Variants in UBE2H observed in about 807,000 individuals in gnomAD.
UBE2H encodes ubiquitin conjugating enzyme E2 H, also known as ubiquitin-conjugating enzyme E2 H.
UBE2H carries 3 observed loss-of-function variants against 29.0 expected under a neutral mutation model. The ratio of observed to expected loss-of-function variants is 0.10; its 90% confidence interval spans 0.05 to 0.27. UBE2H has a LOEUF of 0.27. UBE2H is among the 10% of genes least tolerant of loss of function. The probability of loss-of-function intolerance (pLI) is 1.00; values close to 1 mark genes in which losing one functional copy is unlikely to be tolerated. For missense variants in UBE2H, 68 were observed against 228.2 expected (o/e 0.30, Z 4.52); for synonymous variants, 69 against 82.9 (o/e 0.83, Z 0.91).
At chr7:129,859,897 T>TTC (rs1285202065) in intron 3 of UBE2H, among the ~76,000 whole-genome samples, 1 of 151,598 alleles carries the variant, frequency 6.6e-6, no homozygotes, top group Non-Finnish European at 1.5e-5. Context: ...CTCTCTCTCA[T>TTC]ATTCATTCAG....
At chr7:129,862,763 C>T (rs1451571541) in intron 3 of UBE2H, among the ~76,000 whole-genome samples, 1 of 152,148 alleles carries the variant, frequency 6.6e-6, no homozygotes, top group African/African-American at 2.4e-5. Context: ...CAGAGGTGAT[C>T]AGCATTTGGG....
At chr7:129,929,131 C>A (rs1010238230) in intron 1 of UBE2H, among the ~76,000 whole-genome samples, 1 of 152,076 alleles carries the variant, frequency 6.6e-6, no homozygotes, top group Non-Finnish European at 1.5e-5. Flanking sequence ...CCAGCCTGAA[C>A]AACATGGAGA....
intron 1 of UBE2H, among the ~76,000 whole-genome samples, chr7:129,905,361 T>C (rs1471529679): frequency 1.3e-5 from 2 of 152,134 alleles, no homozygotes; most frequent in Non-Finnish European, 2.9e-5. Context: ...CTCATTGTTT[T>C]TGTTCTAATG....
At chr7:129,948,026 A>C (rs986098606) in intron 1 of UBE2H, among the ~76,000 whole-genome samples, 1 of 152,042 alleles carries the variant, frequency 6.6e-6, no homozygotes, top group Admixed American at 6.6e-5. Flanking sequence ...CTAATTTTTT[A>C]TATTTTTAGT....
At chr7:129,859,622 A>T (rs1279467820) in intron 3 of UBE2H, among the ~76,000 whole-genome samples, 6 of 152,232 alleles carry the variant, frequency 3.9e-5, no homozygotes, top group African/African-American at 1.4e-4. Flanking sequence ...CAAACCAAGT[A>T]CACACTTTAA....
Position 129,834,466 on chromosome 7 carries a change from T to C in UBE2H, c.*471A>G, listed in dbSNP as rs1359029252. The C allele has an allele frequency of 6.5e-6, 1 of 154,788 alleles. No individual in the cohort carries two copies. The highest frequency in any genetic ancestry group is 1.4e-5 in the Non-Finnish European group (1 of 69,666). The allele number at this position is 154,788 out of a possible 1,614,324, so 9.6% of individuals were successfully genotyped here. A position where few individuals can be genotyped will look rare whatever the true frequency, so the allele number is the denominator to read the frequency against. ...CTGATTCTTACATGGCTGGCTCCGA[T>C]GCCCCCACAGCAGGCCTCTTCCTCC... is the stretch of plus-strand genomic sequence containing the variant. On this transcript the variant is annotated 3_prime_UTR_variant, in exon 7 of 7. Transcript: ENST00000355621.
intron 4 of UBE2H, among the ~76,000 whole-genome samples, chr7:129,858,326 G>C (rs1390869105): frequency 6.6e-6 from 1 of 152,136 alleles, no homozygotes; most frequent in Non-Finnish European, 1.5e-5. Flanking sequence ...AGAAAAACCT[G>C]TTAGGTATGT....
chr7:129,905,075 T>C (rs1563041381), intron 1 of UBE2H, among the ~76,000 whole-genome samples: 1 of 152,040 alleles, frequency 6.6e-6, no homozygotes, highest in Non-Finnish European at 1.5e-5. Context: ...TACAAGCCAT[T>C]TGAAAGAGAA....
chr7:129,895,260 T>C (rs950382896), intron 1 of UBE2H, among the ~76,000 whole-genome samples: 7 of 152,100 alleles, frequency 4.6e-5, no homozygotes, highest in African/African-American at 1.4e-4. Flanking sequence ...ATGGGGGCTA[T>C]GGCATGAAGG....
chr7:129,949,879 C>T lies in UBE2H; in HGVS notation c.53+2624G>A, dbSNP rs73471986. Reference sequence around the variant, plus strand: ...GAGACTGCAAGGAAACCAGCTATCGCCCCCCACACCAAAGAAATCATCAAG... The same window carrying T: ...GAGACTGCAAGGAAACCAGCTATCGTCCCCCACACCAAAGAAATCATCAAG... On this transcript the variant is annotated intron_variant, in intron 1 of 6. Transcript: ENST00000355621. Among the ~76,000 whole-genome samples, 1,488 of 152,204 alleles carry T rather than the reference C, an allele frequency of 9.8e-3. 24 individuals are homozygous for T. The highest frequency in any genetic ancestry group is 0.034 in the African/African-American group (1,405 of 41,484).
chr7:129,842,016 T>C (rs765711539), intron 5 of UBE2H, among the ~76,000 whole-genome samples: 4 of 152,216 alleles, frequency 2.6e-5, no homozygotes, highest in Non-Finnish European at 5.9e-5. Context: ...GGCCATAAAA[T>C]GGTATGTTTT....
At chr7:129,908,801 C>T (rs1350781256) in intron 1 of UBE2H, among the ~76,000 whole-genome samples, 1 of 152,250 alleles carries the variant, frequency 6.6e-6, no homozygotes, top group African/African-American at 2.4e-5. Context: ...ACTGCCTGCT[C>T]CTGGGTTTCT....
chr7:129,894,113 C>T (rs988330905), intron 1 of UBE2H, among the ~76,000 whole-genome samples: 3 of 152,166 alleles, frequency 2.0e-5, no homozygotes, highest in African/African-American at 7.2e-5. Context: ...TGAGATCGTG[C>T]CACTGCACTC....
intron 1 of UBE2H, among the ~76,000 whole-genome samples, chr7:129,928,447 A>G (rs1197267172): frequency 6.6e-6 from 1 of 152,170 alleles, no homozygotes; most frequent in East Asian, 1.9e-4. Flanking sequence ...TACTAAAAAT[A>G]CAAAAATTAG....
intron 1 of UBE2H, among the ~76,000 whole-genome samples, chr7:129,908,866 T>C (rs1286922906): frequency 2.6e-5 from 4 of 152,190 alleles, no homozygotes; most frequent in Non-Finnish European, 4.4e-5. Flanking sequence ...GCAGGAGGTA[T>C]AGAATGATGT....
At chr7:129,846,684 T>C (rs1805517457) in intron 5 of UBE2H, among the ~76,000 whole-genome samples, 1 of 152,182 alleles carries the variant, frequency 6.6e-6, no homozygotes, top group Non-Finnish European at 1.5e-5. Flanking sequence ...GGCAGTCATT[T>C]TGGAGACTTT....
intron 3 of UBE2H, among the ~76,000 whole-genome samples, chr7:129,859,981 C>A (rs569054109): frequency 5.3e-5 from 8 of 152,274 alleles, no homozygotes; most frequent in Admixed American, 2.0e-4. Flanking sequence ...GTTCACTATT[C>A]TTGAGGAGGT....
At chr7:129,889,307 C>T (rs7793305) in intron 1 of UBE2H, among the ~76,000 whole-genome samples, 2 of 152,198 alleles carry the variant, frequency 1.3e-5, no homozygotes, top group Non-Finnish European at 2.9e-5. Flanking sequence ...ACTAAGATAA[C>T]AGCCACATGA....
intron 3 of UBE2H, among the ~76,000 whole-genome samples, chr7:129,861,883 G>A (rs780900781): frequency 5.3e-5 from 8 of 152,076 alleles, no homozygotes; most frequent in Non-Finnish European, 1.0e-4. Flanking sequence ...GCTAGACTCC[G>A]TTTCCAAAAA....
Sources: gnomAD v4.1 joint callset for allele counts (sites outside exome capture counted in the v4.1 genomes callset) on GRCh38, gnomAD v4.1.1 for gene constraint, MANE v1.5 for transcripts, NCBI Gene and HGNC (gene_info 2026-07-23, HGNC 2026-07-21) for gene names.